DGCR8: variants seen among roughly 807,000 people sequenced by gnomAD.
The protein encoded by DGCR8 is DGCR8 microprocessor complex subunit.
A neutral mutation model predicts 78.5 loss-of-function variants in DGCR8; 14 were observed. The ratio of observed to expected loss-of-function variants is 0.18; its 90% CI spans 0.12 to 0.28. The LOEUF is 0.28. Among genes scored for constraint, DGCR8 ranks in the 10% least tolerant of loss-of-function variants. The pLI is 1.00. For missense variants in DGCR8, 702 were observed against 1,022.5 expected, an observed-to-expected ratio of 0.69 and a Z score of 4.28; for synonymous variants, 399 against 402.4, an observed-to-expected ratio of 0.99 and a Z score of 0.10.
rs1038026067 is a variant in DGCR8 at position 20,101,246 on chromosome 22, C to T, written c.1789-4931C>T. Reference sequence around the variant, plus strand: ...GTTTAGGGTGCCTTTTGTATGTGCCCCTCCTGAGAAGCTCTTTGACCCTCT... The same window carrying T: ...GTTTAGGGTGCCTTTTGTATGTGCCTCTCCTGAGAAGCTCTTTGACCCTCT... On this transcript the variant is annotated intron_variant, in intron 9 of 13. Coordinates refer to ENST00000351989, the MANE Select transcript of DGCR8 (RefSeq NM_022720.7). 1.2e-5 allele frequency: 12 copies of T among 985,320 alleles called. No homozygotes were observed. In the African/African-American group the frequency reaches 2.1e-4, roughly 17 times the overall value. The allele number at this position is 985,320 out of a possible 1,614,324, so 61.0% of individuals were successfully genotyped here. A position where few individuals can be genotyped will look rare whatever the true frequency, so the allele number is the denominator to read the frequency against.
intron 9 of DGCR8, among the ~76,000 whole-genome samples, chr22:20,095,775 C>G (rs561046179): frequency 6.6e-6 from 1 of 152,196 alleles, no homozygotes; most frequent in Non-Finnish European, 1.5e-5. Context: ...AATCACTATA[C>G]AACTCACCAT....
intron 1 of DGCR8, among the ~76,000 whole-genome samples, chr22:20,082,719 G>A (rs1266518082): frequency 6.6e-6 from 1 of 151,448 alleles, no homozygotes; most frequent in East Asian, 1.9e-4. Flanking sequence ...CGGTGTAGAT[G>A]CAAGCCAGCT....
At position 20,108,949 on chromosome 22, in the gene DGCR8, C is replaced by A; in HGVS notation, c.2184C>A (p.Asn728Lys). 6.2e-7 allele frequency: 1 copy of A among 1,611,708 alleles called. No individual in the cohort carries two copies. Among genetic ancestry groups the A allele is most frequent in the Non-Finnish European group, 8.5e-7 (1 of 1,178,010 alleles). The change falls in exon 13 of 14, where the codon AAC (asparagine) becomes AAA (lysine). Residue 728 changes from asparagine (N) to lysine (K), a missense_variant. By Grantham distance (94) the Asn-to-Lys change is moderately conservative. Around this residue, in one of 4 missense-constraint regions of DGCR8, gnomAD observed 225 missense variants for 427.7 expected, o/e 0.53. Transcript: ENST00000351989. ...LQQYAKKNKP[N>K]LHILSKLQEE... is the part of the protein sequence containing the mutation. ...AGTATGCCAAGAAGAACAAGCCCAACCTGCACATCCTCAGCAAGCTCCAAG... is the reference window on the plus strand; with the variant it reads ...AGTATGCCAAGAAGAACAAGCCCAAACTGCACATCCTCAGCAAGCTCCAAG...
At chr22:20,108,719 T>C (rs906205726) in intron 12 of DGCR8, 171 bp from the exon 13 acceptor site, 15 of 518,772 alleles carry the variant, frequency 2.9e-5, no homozygotes, top group Admixed American at 2.0e-4. Flanking sequence ...CTGGCATCAC[T>C]GAGGCGGGCC....
chr22:20,096,086 T>A (rs2049625683), intron 9 of DGCR8, among the ~76,000 whole-genome samples: 1 of 152,172 alleles, frequency 6.6e-6, no homozygotes, highest in Non-Finnish European at 1.5e-5. Context: ...TGTCCTGCTA[T>A]GCAGCCCGGT....
chr22:20,099,656 T>C (rs2049671659), intron 9 of DGCR8, among the ~76,000 whole-genome samples: 1 of 152,264 alleles, frequency 6.6e-6, no homozygotes, highest in African/African-American at 2.4e-5. Context: ...TCCAGGGTTC[T>C]GAAAGAATTA....
At chr22:20,103,098 A>G (rs1029617613) in intron 9 of DGCR8, among the ~76,000 whole-genome samples, 3 of 151,726 alleles carry the variant, frequency 2.0e-5, no homozygotes, top group Non-Finnish European at 2.9e-5. Flanking sequence ...AGATTGTGCC[A>G]TTGCACTCCA....
intron 8 of DGCR8, 57 bp from the exon 9 acceptor site, chr22:20,094,656 G>A (rs1029455577): frequency 6.7e-7 from 1 of 1,489,088 alleles, no homozygotes; most frequent in Non-Finnish European, 9.4e-7. Context: ...TCACTCTGCA[G>A]GGTGGTGAGA....
At chr22:20,094,152 T>A (rs2147926191) in intron 8 of DGCR8, among the ~76,000 whole-genome samples, 1 of 152,322 alleles carries the variant, frequency 6.6e-6, no homozygotes, top group East Asian at 1.9e-4. Context: ...GGCTGCCCTA[T>A]AGACAGCTTG....
At position 20,109,001 on chromosome 22, in the gene DGCR8, A is replaced by G; in HGVS notation, c.2236A>G (p.Arg746Gly). ...GGAGATGAAGAGGCTAGCTGAGGAA[A>G]GGGTGAGTGCCACCCTAGCGGGAGG... ...QEEMKRLAEEREETRKKPKMS... is the reference protein window; with the variant it reads ...QEEMKRLAEEGEETRKKPKMS... The change falls in exon 13 of 14, where the codon AGG (arginine) becomes GGG (glycine). Residue 746 changes from arginine to glycine, a missense_variant and splice_region_variant. Arg to Gly is a moderately radical substitution (Grantham distance 125, BLOSUM62 -2). Around this residue, in one of 4 missense-constraint regions of DGCR8, gnomAD observed 225 missense variants for 427.7 expected, o/e 0.53. Transcript: ENST00000351989. The G allele has an allele frequency of 6.4e-7, 1 of 1,560,128 alleles. No homozygotes were observed. The highest frequency in any genetic ancestry group is 8.8e-7 in the Non-Finnish European group (1 of 1,131,660).
intron 9 of DGCR8, among the ~76,000 whole-genome samples, chr22:20,104,261 T>G (rs2049743356): frequency 6.6e-6 from 1 of 151,112 alleles, no homozygotes; most frequent in East Asian, 2.0e-4. Flanking sequence ...GCTTCCCGGG[T>G]TCACGCCATT....
Position 20,090,085 on chromosome 22 carries a change from C to G in DGCR8, c.1133C>G (p.Pro378Arg). 1.2e-6 allele frequency: 2 copies of G among 1,614,232 alleles called. No individual in the cohort carries two copies. Among genetic ancestry groups the G allele is most frequent in the Non-Finnish European group, 1.7e-6 (2 of 1,180,038 alleles). ...SDLTPSGDVSPVKPLSRSAEL... is the reference protein window; with the variant it reads ...SDLTPSGDVSRVKPLSRSAEL... The stretch of plus-strand genomic sequence containing the variant: ...CTCACCCCTAGTGGGGATGTGTCCC[C>G]CGTCAAGCCCCTGAGCCGATCTGCA... The change falls in exon 5 of 14, where the codon CCC becomes CGC. Residue 378 changes from proline (P) to arginine (R), a missense_variant. By Grantham distance (103) the Pro-to-Arg change is moderately radical. Transcript: ENST00000351989.
chr22:20,105,385 T>C (rs1361503278), intron 9 of DGCR8, among the ~76,000 whole-genome samples: 1 of 152,204 alleles, frequency 6.6e-6, no homozygotes, highest in Non-Finnish European at 1.5e-5. Context: ...CTTTGTGGTA[T>C]GTTGTCACAG....
chr22:20,106,476 A>T (rs1040306691), intron 10 of DGCR8, 116 bp from the exon 11 acceptor site: 4 of 865,978 alleles, frequency 4.6e-6, no homozygotes, highest in Admixed American at 2.0e-5. Flanking sequence ...TCTGGCTGAG[A>T]TGCAGTCTGG....
intron 12 of DGCR8, 163 bp downstream of exon 12, chr22:20,107,561 G>C: frequency 1.3e-6 from 1 of 781,720 alleles, no homozygotes. Context: ...GGGTGGGGTC[G>C]TCCCAGCTAC....
intron 1 of DGCR8, among the ~76,000 whole-genome samples, chr22:20,083,900 T>C (rs9606240): frequency 0.13 from 20,030 of 152,238 alleles, 1,711 homozygotes; most frequent in Non-Finnish European, 0.19. Context: ...TTCAGCACTT[T>C]ATAGTCAGTT....
chr22:20,106,799 T>A (rs2049775596), intron 11 of DGCR8, 101 bp downstream of exon 11: 14 of 835,148 alleles, frequency 1.7e-5, no homozygotes, highest in Non-Finnish European at 2.6e-5. Context: ...CCTGGCATTG[T>A]CCCTGAGCCC....
Position 20,090,197 on chromosome 22 carries a change from A to G in DGCR8, c.1245A>G (p.Ala415=), listed in dbSNP as rs34204101. The part of the protein sequence containing the change: ...PDEKDPLGAE[A]APGALGQVKA... ...AGAAAGACCCACTAGGGGCTGAGGC[A>G]GCCCCTGGGGCCCTGGGGCAGGTGA... Residue 415 remains alanine, a synonymous_variant, in exon 5 of 14, where the codon GCA becomes GCG. Transcript: ENST00000351989. 1 of 1,614,066 alleles carries G rather than the reference A, an allele frequency of 6.2e-7. No homozygotes were observed. The highest frequency in any genetic ancestry group is 8.5e-7 in the Non-Finnish European group (1 of 1,179,982).
rs752574209 is a variant in DGCR8, at chr22:20,110,148, C to T, written c.*40C>T. The T allele has an allele frequency of 1.3e-6, 2 of 1,587,796 alleles. No homozygotes were observed. The highest frequency in any genetic ancestry group is 1.1e-5 in the South Asian group (1 of 90,702). ...GCCAGGGCGCGGGGGCCGCCAGCCG[C>T]ACTTCTGAGGAGACCAGCAGTCATG... On this transcript the variant is annotated 3_prime_UTR_variant, in exon 14 of 14. Transcript: ENST00000351989.
Sources: gnomAD v4.1 joint callset for allele counts (sites outside exome capture counted in the v4.1 genomes callset) on GRCh38, gnomAD v4.1.1 for gene constraint, gnomAD v4.1.1 regional missense constraint, MANE v1.5 for transcripts, NCBI Gene and HGNC (gene_info 2026-07-23, HGNC 2026-07-21) for gene names.